The following TASP1 variants were observed in gnomAD, a reference collection of about 807,000 sequenced individuals.
TASP1 encodes the protein taspase 1.
In TASP1, 16 loss-of-function variants were observed where a neutral mutation model predicts 56.6. The ratio of observed to expected loss-of-function variants is 0.28; its 90% CI spans 0.19 to 0.43. The LOEUF (loss-of-function observed/expected upper bound fraction) is 0.43, where lower values mean the gene tolerates loss of function less well. Among genes scored for constraint, TASP1 ranks in the 20% least tolerant of loss-of-function variants. The probability of loss-of-function intolerance (pLI) is 1.00; values close to 1 mark genes in which losing one functional copy is unlikely to be tolerated. For missense variants in TASP1, 393 were observed against 511.6 expected, an observed-to-expected ratio of 0.77 and a Z score of 2.24; for synonymous variants, 179 against 184.2, an observed-to-expected ratio of 0.97 and a Z score of 0.23.
intron 13 of TASP1, among the ~76,000 whole-genome samples, chr20:13,404,960 G>A (rs1402804022): frequency 6.6e-6 from 1 of 151,900 alleles, no homozygotes; most frequent in Non-Finnish European, 1.5e-5. Context: ...GTTTTACCTT[G>A]GTTATATTTT....
intron 11 of TASP1, among the ~76,000 whole-genome samples, chr20:13,437,670 A>G (rs1360911950): frequency 2.6e-5 from 4 of 152,260 alleles, no homozygotes; most frequent in Non-Finnish European, 5.9e-5. Context: ...GTCTCAGGAT[A>G]CAAAATCAAT....
intron 4 of TASP1, among the ~76,000 whole-genome samples, chr20:13,593,741 AC>A: frequency 6.6e-6 from 1 of 152,216 alleles, no homozygotes. Context: ...AGCAAGGCCT[AC>A]TGCCTCTACA....
rs536889808 is a variant in TASP1, at chr20:13,546,458, A to G, written c.676-12317T>C. The stretch of plus-strand genomic sequence containing the variant: ...AAATGCTCTTAGCACAGCCAAAAAA[A>G]GGCACAATCACAAGCTTCATAAACT... On this transcript the variant is annotated intron_variant, in intron 8 of 13. Transcript: ENST00000337743. 7.9e-5 allele frequency among the ~76,000 whole-genome samples: 12 copies of G among 152,370 alleles called. No homozygotes were observed. In the East Asian group the frequency reaches 2.1e-3, roughly 27 times the overall value.
intron 10 of TASP1, among the ~76,000 whole-genome samples, chr20:13,502,849 A>C (rs748898047): frequency 6.6e-6 from 1 of 152,208 alleles, no homozygotes; most frequent in Non-Finnish European, 1.5e-5. Flanking sequence ...ACACAGTTGG[A>C]GCACAAGATC....
At chr20:13,582,123 C>CAAAAAAAAAAAAAAAAAAAA (rs773253001) in intron 5 of TASP1, among the ~76,000 whole-genome samples, 1 of 79,008 alleles carries the variant, frequency 1.3e-5, no homozygotes, top group Non-Finnish European at 3.1e-5. Context: ...GTATGAAATA[C>CAAAAAAAAAAAAAAAAAAAA]AAAAAAAAAA....
At chr20:13,203,894 C>T in the TASP1 span, among the ~76,000 whole-genome samples, 1 of 152,180 alleles carries the variant, frequency 6.6e-6, no homozygotes, top group Non-Finnish European at 1.5e-5. Context: ...TAAACTCACC[C>T]TTTAAAATAA....
the TASP1 span, among the ~76,000 whole-genome samples, chr20:13,268,503 G>A: frequency 6.6e-6 from 1 of 152,024 alleles, no homozygotes; most frequent in East Asian, 1.9e-4. Context: ...GCCAGGAGAC[G>A]AAAACCATGG....
At chr20:13,616,616 A>G (rs1211479664) in intron 4 of TASP1, among the ~76,000 whole-genome samples, 1 of 151,722 alleles carries the variant, frequency 6.6e-6, no homozygotes, top group Non-Finnish European at 1.5e-5. Flanking sequence ...GAATGTAATC[A>G]TTGATTCCGT....
chr20:13,264,404 G>A, the TASP1 span, among the ~76,000 whole-genome samples: 3 of 152,172 alleles, frequency 2.0e-5, no homozygotes, highest in South Asian at 2.1e-4. Context: ...GCAGAATAGG[G>A]CAGGTGGCTA....
At chr20:13,473,019 T>G (rs6042142) in intron 11 of TASP1, among the ~76,000 whole-genome samples, 8,576 of 151,570 alleles carry the variant, frequency 0.057, 347 homozygotes, top group African/African-American at 0.12. Flanking sequence ...AACATGCTAC[T>G]ATAAAGACAC....
the TASP1 span, among the ~76,000 whole-genome samples, chr20:13,214,421 C>G: frequency 6.6e-6 from 1 of 151,820 alleles, no homozygotes; most frequent in African/African-American, 2.4e-5. Flanking sequence ...TGAGAATAGG[C>G]AGGTGTCAGC....
At chr20:13,274,378 G>A in the TASP1 span, among the ~76,000 whole-genome samples, 1 of 152,178 alleles carries the variant, frequency 6.6e-6, no homozygotes, top group Non-Finnish European at 1.5e-5. Flanking sequence ...CTGGGTAGCA[G>A]AGTGAAGTCA....
rs535644022 is a variant in TASP1 at position 13,501,925 on chromosome 20, A to C, written c.875-18588T>G. On this transcript the variant is annotated intron_variant, in intron 10 of 13. Coordinates refer to ENST00000337743, the MANE Select transcript of TASP1 (RefSeq NM_017714.3). Reference sequence around the variant, plus strand: ...TAAAAACAAAGCAAATTATCCAGAGACAAAGAGAATATTTTATGATAAAAG... The same window carrying C: ...TAAAAACAAAGCAAATTATCCAGAGCCAAAGAGAATATTTTATGATAAAAG... Among the ~76,000 whole-genome samples the C allele has an allele frequency of 5.9e-5, 9 of 152,150 alleles. No homozygotes were observed. In the South Asian group the frequency reaches 1.9e-3, roughly 32 times the overall value.
At chr20:13,388,752 A>G (rs1465029814), downstream of TASP1, among the ~76,000 whole-genome samples, 73 of 152,230 alleles carry the variant, frequency 4.8e-4, no homozygotes, top group Non-Finnish European at 1.5e-4. Flanking sequence ...AGAATGAGAA[A>G]CAGATACCAC....
At position 13,517,406 on chromosome 20, in the gene TASP1, T is replaced by C. The variant is rs185695539; in HGVS notation, c.874+11027A>G. ...ATATCCTTCATATCCTTTAAAATTA[T>C]GTTTGGAAGAATAATAATACATAAA... is the stretch of plus-strand genomic sequence containing the variant. On this transcript the variant is annotated intron_variant, in intron 10 of 13. Coordinates refer to ENST00000337743, the MANE Select transcript of TASP1 (RefSeq NM_017714.3). Among the ~76,000 whole-genome samples the C allele has an allele frequency of 2.2e-3, 341 of 152,272 alleles. 2 individuals are homozygous for C. Among genetic ancestry groups the C allele is most frequent in the African/African-American group, 7.9e-3 (330 of 41,576 alleles).
chr20:13,209,274 T>C, the TASP1 span, among the ~76,000 whole-genome samples: 1 of 152,216 alleles, frequency 6.6e-6, no homozygotes, highest in African/African-American at 2.4e-5. Flanking sequence ...TATAATCCAC[T>C]GAGATTTTGG....
intron 11 of TASP1, among the ~76,000 whole-genome samples, chr20:13,462,012 C>T (rs2044072013): frequency 6.6e-6 from 1 of 152,062 alleles, no homozygotes; most frequent in African/African-American, 2.4e-5. Flanking sequence ...TGATGGGACA[C>T]AGTTCTAGCC....
chr20:13,228,715 G>C, the TASP1 span, among the ~76,000 whole-genome samples: 3 of 151,996 alleles, frequency 2.0e-5, no homozygotes, highest in South Asian at 6.2e-4. Context: ...AATTTCTTTA[G>C]TTATATCTTT....
the TASP1 span, among the ~76,000 whole-genome samples, chr20:13,115,172 A>AT: frequency 6.6e-6 from 1 of 152,198 alleles, no homozygotes; most frequent in Non-Finnish European, 1.5e-5. Context: ...AATAACATAG[A>AT]TAGCCTTTTT....
Sources: allele counts gnomAD v4.1 joint callset (sites outside exome capture counted in the v4.1 genomes callset), GRCh38; gene constraint gnomAD v4.1.1; transcripts MANE v1.5; gene names NCBI Gene and HGNC (gene_info 2026-07-23, HGNC 2026-07-21).